Variants in PAG1 observed in about 807,000 individuals in gnomAD.
The protein encoded by PAG1 is phosphoprotein associated with glycosphingolipid-enriched microdomains 1.
In PAG1, 23 loss-of-function variants were observed where a neutral mutation model predicts 31.7. That is an observed-to-expected ratio of 0.73 (90% CI 0.52 to 1.03). PAG1 has a LOEUF of 1.03. PAG1 is among the 50% of genes least tolerant of loss of function. The probability of loss-of-function intolerance (pLI) is 0.00; values close to 1 mark genes in which losing one functional copy is unlikely to be tolerated. For synonymous variants in PAG1, 214 were observed against 210.3 expected (o/e 1.02, Z -0.15); for missense variants, 473 against 540.7 (o/e 0.87, Z 1.24).
chr8:81,103,039 A>G (rs957371077), intron 1 of PAG1, among the ~76,000 whole-genome samples: 15 of 152,196 alleles, frequency 9.9e-5, no homozygotes, highest in African/African-American at 3.6e-4. Context: ...ACTGTATCAC[A>G]AATAAGTTTA....
At chr8:81,006,005 C>T (rs569734320) in intron 3 of PAG1, among the ~76,000 whole-genome samples, 24 of 152,276 alleles carry the variant, frequency 1.6e-4, no homozygotes, top group South Asian at 6.2e-4. Context: ...TGCAGTGGCG[C>T]GATCTCGACT....
intron 2 of PAG1, among the ~76,000 whole-genome samples, chr8:81,041,941 C>T (rs1471998177): frequency 2.6e-5 from 4 of 152,178 alleles, no homozygotes; most frequent in African/African-American, 9.7e-5. Context: ...TGCATTTTTA[C>T]TTTGTAAGCT....
intron 3 of PAG1, among the ~76,000 whole-genome samples, chr8:81,007,035 G>A (rs576251529): frequency 1.3e-5 from 2 of 152,248 alleles, no homozygotes; most frequent in South Asian, 2.1e-4. Flanking sequence ...ATCACAGTAT[G>A]GCTCTGACAG....
chr8:81,071,719 G>C (rs572936629), intron 1 of PAG1, among the ~76,000 whole-genome samples: 1 of 152,330 alleles, frequency 6.6e-6, no homozygotes, highest in South Asian at 2.1e-4. Context: ...ACAAGGCCCA[G>C]TTCAGGAGCC....
intron 4 of PAG1, 24 bp downstream of exon 4, chr8:80,993,079 A>T (rs2016459): frequency 1.1e-5 from 17 of 1,581,940 alleles, no homozygotes; most frequent in African/African-American, 2.7e-5. Flanking sequence ...TTTAAGGCAC[A>T]GGTATATACA....
At chr8:81,101,805 T>C (rs1198444071) in intron 1 of PAG1, among the ~76,000 whole-genome samples, 1 of 152,134 alleles carries the variant, frequency 6.6e-6, no homozygotes, top group Non-Finnish European at 1.5e-5. Context: ...TTTAGACATG[T>C]TCTATCATGT....
intron 1 of PAG1, among the ~76,000 whole-genome samples, chr8:81,103,408 T>C (rs1192118466): frequency 2.6e-5 from 4 of 152,222 alleles, no homozygotes; most frequent in Non-Finnish European, 5.9e-5. Flanking sequence ...CTAGAAGCTC[T>C]ACCACTTACT....
Position 80,993,217 on chromosome 8 carries a change from G to A in PAG1, c.11C>T (p.Ala4Val), listed in dbSNP as rs35792942. 1,513 of 1,608,324 alleles carry A rather than the reference G, an allele frequency of 9.4e-4. 19 individuals carry two copies. The African/African-American group carries it at 0.018, about 19-fold the overall frequency. MGP[A>V]GSLLGSGQMQ... ...CTGTCCGCTGCCCAGCAGGCTCCCCGCGGGCCCCATGGCAGGAGCAGGCAC... is the reference window on the plus strand; with the variant it reads ...CTGTCCGCTGCCCAGCAGGCTCCCCACGGGCCCCATGGCAGGAGCAGGCAC... Residue 4 changes from alanine (A) to valine (V), a missense_variant, in exon 4 of 9, where the codon GCG becomes GTG. Transcript: ENST00000220597.
intron 1 of PAG1, among the ~76,000 whole-genome samples, chr8:81,089,353 G>A (rs966118487): frequency 6.6e-5 from 10 of 152,152 alleles, no homozygotes; most frequent in Non-Finnish European, 1.5e-5. Flanking sequence ...AGGATCACGA[G>A]GTCAGGAGAT....
chr8:80,997,765 TTC>T (rs10600885), intron 3 of PAG1, among the ~76,000 whole-genome samples: 28,234 of 152,166 alleles, frequency 0.19, 3,151 homozygotes, highest in African/African-American at 0.32. Context: ...TGTACATTAA[TTC>T]TGTTTGCTAT....
At chr8:81,091,509 G>C (rs754167115) in intron 1 of PAG1, among the ~76,000 whole-genome samples, 5 of 151,902 alleles carry the variant, frequency 3.3e-5, no homozygotes, top group Non-Finnish European at 7.4e-5. Context: ...AGGCTATATG[G>C]GGTAGCCTAT....
intron 2 of PAG1, among the ~76,000 whole-genome samples, chr8:81,053,855 G>T (rs1353771390): frequency 6.6e-6 from 1 of 152,162 alleles, no homozygotes; most frequent in Non-Finnish European, 1.5e-5. Flanking sequence ...TATGAGAAAG[G>T]TTGAAAGTAG....
intron 2 of PAG1, among the ~76,000 whole-genome samples, chr8:81,046,317 CT>C (rs1808640506): frequency 6.6e-6 from 1 of 152,182 alleles, no homozygotes; most frequent in African/African-American, 2.4e-5. Flanking sequence ...CATTGGATGA[CT>C]AAAAGCAGGC....
chr8:81,097,640 T>C (rs1809548905), intron 1 of PAG1, among the ~76,000 whole-genome samples: 1 of 151,882 alleles, frequency 6.6e-6, no homozygotes, highest in South Asian at 2.1e-4. Flanking sequence ...ATGGCAATGA[T>C]TCAATTTCAT....
At chr8:80,985,801 T>C (rs1034416268) in intron 6 of PAG1, among the ~76,000 whole-genome samples, 19 of 152,178 alleles carry the variant, frequency 1.2e-4, no homozygotes, top group African/African-American at 4.6e-4. Flanking sequence ...GAGGGAATTA[T>C]TGGTAGCCAC....
intron 1 of PAG1, among the ~76,000 whole-genome samples, chr8:81,093,378 T>G (rs1228404870): frequency 1.3e-5 from 2 of 152,240 alleles, no homozygotes; most frequent in African/African-American, 4.8e-5. Context: ...TAATATGTTC[T>G]AGAACATAGA....
intron 2 of PAG1, among the ~76,000 whole-genome samples, chr8:81,062,634 T>A (rs1405367259): frequency 5.3e-5 from 8 of 152,242 alleles, no homozygotes; most frequent in African/African-American, 1.9e-4. Flanking sequence ...CTGGCTGATT[T>A]GTCATAGTTA....
intron 2 of PAG1, among the ~76,000 whole-genome samples, chr8:81,031,043 C>T (rs543207103): frequency 3.9e-4 from 60 of 152,280 alleles, no homozygotes; most frequent in Non-Finnish European, 7.1e-4. Flanking sequence ...CGGAGTGGAA[C>T]GTGAGCCTTC....
intron 1 of PAG1, among the ~76,000 whole-genome samples, chr8:81,093,259 G>C (rs935241286): frequency 6.6e-6 from 1 of 152,108 alleles, no homozygotes; most frequent in South Asian, 2.1e-4. Context: ...AGCTAGAATT[G>C]GGGAGATAAT....
Sources: allele counts gnomAD v4.1 joint callset (sites outside exome capture counted in the v4.1 genomes callset), GRCh38; gene constraint gnomAD v4.1.1; transcripts MANE v1.5; gene names NCBI Gene and HGNC (gene_info 2026-07-23, HGNC 2026-07-21).